Variants in MARCHF5 observed in about 807,000 individuals in gnomAD.
The protein encoded by MARCHF5 is E3 ubiquitin-protein ligase MARCHF5.
MARCHF5 carries 5 observed loss-of-function variants against 36.5 expected under a neutral mutation model. That is an observed-to-expected ratio of 0.14 (90% CI 0.07 to 0.29). MARCHF5 has a LOEUF of 0.29. MARCHF5 is among the 10% of genes least tolerant of loss of function. The pLI, the probability that MARCHF5 is intolerant of heterozygous loss-of-function variation, is 1.00. For missense variants in MARCHF5, 179 were observed against 336.3 expected, an observed-to-expected ratio of 0.53 and a Z score of 3.66; for synonymous variants, 103 against 109.9, an observed-to-expected ratio of 0.94 and a Z score of 0.39.
chr10:92,349,001 C>T (rs1040975917), intron 3 of MARCHF5, among the ~76,000 whole-genome samples: 1 of 152,190 alleles, frequency 6.6e-6, no homozygotes, highest in Non-Finnish European at 1.5e-5. Context: ...ACAAATAGGA[C>T]TTAGAATTAT....
chr10:92,298,027 A>G (rs867241566), intron 1 of MARCHF5, among the ~76,000 whole-genome samples: 4 of 152,100 alleles, frequency 2.6e-5, no homozygotes, highest in Non-Finnish European at 5.9e-5. Flanking sequence ...GCGAATCCCC[A>G]TCTCTACAAA....
chr10:92,330,074 C>G (rs1265531453), intron 2 of MARCHF5, among the ~76,000 whole-genome samples: 1 of 152,170 alleles, frequency 6.6e-6, no homozygotes, highest in Admixed American at 6.5e-5. Flanking sequence ...AACTCCTGAC[C>G]TCAGGTGATT....
intron 2 of MARCHF5, among the ~76,000 whole-genome samples, chr10:92,327,842 C>CA (rs1843385077): frequency 6.6e-6 from 1 of 151,980 alleles, no homozygotes; most frequent in Non-Finnish European, 1.5e-5. Flanking sequence ...AAGTCAACAA[C>CA]ACCCTTGAAA....
chr10:92,327,364 C>G (rs1053503972), intron 2 of MARCHF5, among the ~76,000 whole-genome samples: 2 of 144,292 alleles, frequency 1.4e-5, no homozygotes, highest in African/African-American at 2.6e-5. Flanking sequence ...AAAAAAAAAA[C>G]TGTGTTCATA....
At chr10:92,311,641 T>A (rs535875346) in intron 2 of MARCHF5, among the ~76,000 whole-genome samples, 18 of 149,384 alleles carry the variant, frequency 1.2e-4, no homozygotes, top group African/African-American at 2.4e-4. Flanking sequence ...AGCTGACTTT[T>A]AAAAAAAAAA....
Position 92,295,882 on chromosome 10 carries a change from T to C in MARCHF5, c.35+4353T>C, listed in dbSNP as rs557414978. On this transcript the variant is annotated intron_variant, in intron 1 of 5. Coordinates refer to ENST00000358935, the MANE Select transcript of MARCHF5 (RefSeq NM_017824.5). ...ATACATACATATATATATGGAATTT[T>C]TTTTTTTTTCATGGAATTTCGCTCT... Among the ~76,000 whole-genome samples, 18 of 152,152 alleles carry C rather than the reference T, an allele frequency of 1.2e-4. No individual in the cohort carries two copies. In the South Asian group the frequency reaches 3.7e-3, roughly 32 times the overall value.
chr10:92,305,150 G>A (rs577187006), intron 1 of MARCHF5, among the ~76,000 whole-genome samples: 4 of 152,190 alleles, frequency 2.6e-5, no homozygotes, highest in East Asian at 1.9e-4. Flanking sequence ...GGCTCACACC[G>A]GTAATCCCAG....
At chr10:92,322,886 C>T (rs1191483236) in intron 2 of MARCHF5, among the ~76,000 whole-genome samples, 2 of 151,844 alleles carry the variant, frequency 1.3e-5, no homozygotes, top group African/African-American at 4.9e-5. Context: ...TATAGGCGTG[C>T]ACCACCACGC....
At chr10:92,305,110 G>A (rs913639241) in intron 1 of MARCHF5, among the ~76,000 whole-genome samples, 3 of 152,096 alleles carry the variant, frequency 2.0e-5, no homozygotes, top group Non-Finnish European at 2.9e-5. Flanking sequence ...GTTACGGTGA[G>A]TTAAGAATAT....
intron 1 of MARCHF5, among the ~76,000 whole-genome samples, chr10:92,299,672 C>G (rs1842989802): frequency 6.6e-6 from 1 of 152,180 alleles, no homozygotes; most frequent in South Asian, 2.1e-4. Flanking sequence ...GCTTCCCACA[C>G]ACACACATAT....
At chr10:92,319,705 A>G (rs1257562675) in intron 2 of MARCHF5, among the ~76,000 whole-genome samples, 1 of 149,880 alleles carries the variant, frequency 6.7e-6, no homozygotes, top group Non-Finnish European at 1.5e-5. Flanking sequence ...CCCAGGTTGG[A>G]GTGCAGTGGC....
At chr10:92,327,368 G>A (rs1229265662) in intron 2 of MARCHF5, among the ~76,000 whole-genome samples, 1 of 143,708 alleles carries the variant, frequency 7.0e-6, no homozygotes, top group Non-Finnish European at 1.5e-5. Flanking sequence ...AAAAAACTGT[G>A]TTCATACATA....
intron 2 of MARCHF5, among the ~76,000 whole-genome samples, chr10:92,332,744 C>G (rs1174310842): frequency 2.0e-5 from 3 of 151,892 alleles, no homozygotes; most frequent in Non-Finnish European, 2.9e-5. Context: ...TGGTCTCAAT[C>G]TCTTGACTTT....
intron 3 of MARCHF5, among the ~76,000 whole-genome samples, chr10:92,342,939 G>A (rs1183758638): frequency 1.3e-5 from 2 of 152,162 alleles, no homozygotes; most frequent in Admixed American, 1.3e-4. Flanking sequence ...TAATGGTCAT[G>A]GTGAGACAGA....
chr10:92,342,279 G>T (rs967701969), intron 3 of MARCHF5, among the ~76,000 whole-genome samples: 1 of 151,882 alleles, frequency 6.6e-6, no homozygotes, highest in Non-Finnish European at 1.5e-5. Context: ...CTCCCAAGTA[G>T]CTGGGACTAC....
intron 2 of MARCHF5, 125 bp downstream of exon 2, chr10:92,311,462 T>C: frequency 6.1e-6 from 4 of 658,412 alleles, no homozygotes; most frequent in Non-Finnish European, 1.0e-5. Flanking sequence ...CTTTCTCTTG[T>C]TTCCTCTCTG....
chr10:92,298,883 T>A (rs909298858), intron 1 of MARCHF5, among the ~76,000 whole-genome samples: 1 of 152,278 alleles, frequency 6.6e-6, no homozygotes, highest in African/African-American at 2.4e-5. Flanking sequence ...GTTTTCTTTG[T>A]TTTTGTTAAA....
chr10:92,327,374 A>G (rs1843377625), intron 2 of MARCHF5, among the ~76,000 whole-genome samples: 1 of 151,026 alleles, frequency 6.6e-6, no homozygotes, highest in Non-Finnish European at 1.5e-5. Flanking sequence ...CTGTGTTCAT[A>G]CATAGATGTA....
chr10:92,296,561 T>C (rs1464534842), intron 1 of MARCHF5, among the ~76,000 whole-genome samples: 1 of 152,228 alleles, frequency 6.6e-6, no homozygotes, highest in Non-Finnish European at 1.5e-5. Context: ...ACTGCAGGAA[T>C]GGACCTCTGA....
Sources: gnomAD v4.1 joint callset for allele counts (sites outside exome capture counted in the v4.1 genomes callset) on GRCh38, gnomAD v4.1.1 for gene constraint, MANE v1.5 for transcripts, NCBI Gene and HGNC (gene_info 2026-07-23, HGNC 2026-07-21) for gene names.